The following PKN2 variants were observed in gnomAD, a reference collection of about 807,000 sequenced individuals.
The protein encoded by PKN2 is protein kinase N2.
In PKN2, 38 loss-of-function variants were observed where a neutral mutation model predicts 119.1. That is an observed-to-expected ratio of 0.32 (90% CI 0.25 to 0.42). The LOEUF is 0.42. Ranked by LOEUF, PKN2 falls within the 10% of genes least tolerant of loss-of-function variation. PKN2 has a pLI of 1.00. For synonymous variants in PKN2, 390 were observed against 384.9 expected (o/e 1.01, Z -0.15); for missense variants, 850 against 1,165.1 (o/e 0.73, Z 3.94).
chr1:88,807,756 G>A lies in PKN2; in HGVS notation c.2083G>A (p.Ala695Thr), dbSNP rs1207495832. 6.3e-7 allele frequency: 1 copy of A among 1,592,824 alleles called. No individual in the cohort carries two copies. Among genetic ancestry groups the A allele is most frequent in the Non-Finnish European group, 8.6e-7 (1 of 1,166,558 alleles). Residue 695 changes from alanine (A) to threonine (T), a missense_variant, in exon 15 of 22, where the codon GCT (alanine) becomes ACT (threonine). Physicochemically the swap from Ala to Thr is moderately conservative, Grantham distance 58 (BLOSUM62 0). This residue lies in a region of PKN2 where 216 missense variants were observed against 252.8 expected (regional missense o/e 0.85). Coordinates refer to ENST00000370521, the MANE Select transcript of PKN2 (RefSeq NM_006256.4). ...IKALKKGDIV[A>T]RDEVDSLMCE... ...AGCCTTAAAGAAAGGAGATATTGTG[G>A]CTCGAGATGAAGTAGACAGGTTAGT... is the stretch of plus-strand genomic sequence containing the variant.
chr1:88,789,344 G>A (rs1208344146), intron 8 of PKN2, among the ~76,000 whole-genome samples: 4 of 152,032 alleles, frequency 2.6e-5, no homozygotes, highest in African/African-American at 9.7e-5. Context: ...GGAGTGAAAC[G>A]GCAAGGTAAG....
intron 2 of PKN2, among the ~76,000 whole-genome samples, chr1:88,741,909 T>C (rs186491296): frequency 1.3e-5 from 2 of 152,198 alleles, no homozygotes; most frequent in East Asian, 3.9e-4. Flanking sequence ...AATATTTATG[T>C]TGGAATTTTT....
intron 1 of PKN2, among the ~76,000 whole-genome samples, chr1:88,730,909 G>A (rs763669974): frequency 2.0e-5 from 3 of 152,202 alleles, no homozygotes; most frequent in Non-Finnish European, 4.4e-5. Context: ...TGGTCATTCT[G>A]ATGCCAAATG....
chr1:88,711,272 C>T (rs1667224484), intron 1 of PKN2, among the ~76,000 whole-genome samples: 2 of 151,506 alleles, frequency 1.3e-5, no homozygotes, highest in South Asian at 4.2e-4. Context: ...CAAACCTGCA[C>T]TTGTACCCTT....
At chr1:88,765,919 C>G (rs917479813) in intron 3 of PKN2, among the ~76,000 whole-genome samples, 4 of 152,172 alleles carry the variant, frequency 2.6e-5, no homozygotes, top group Non-Finnish European at 5.9e-5. Flanking sequence ...TCAAGTGATT[C>G]TCGTGCCTCA....
At chr1:88,819,221 C>T (rs568625771) in intron 16 of PKN2, among the ~76,000 whole-genome samples, 7 of 152,112 alleles carry the variant, frequency 4.6e-5, no homozygotes, top group African/African-American at 9.7e-5. Context: ...AAGAAACTGT[C>T]GTCAGAGTGA....
intron 1 of PKN2, among the ~76,000 whole-genome samples, chr1:88,732,799 ATATAG>A (rs1267128282): frequency 2.0e-5 from 3 of 152,230 alleles, no homozygotes; most frequent in African/African-American, 7.2e-5. Flanking sequence ...GATAAATAAA[ATATAG>A]TATATATACA....
intron 3 of PKN2, among the ~76,000 whole-genome samples, chr1:88,768,347 A>T (rs1002562903): frequency 6.6e-6 from 1 of 152,140 alleles, no homozygotes; most frequent in African/African-American, 2.4e-5. Context: ...CTTCTGGAGG[A>T]TGTAGGGCAG....
intron 1 of PKN2, among the ~76,000 whole-genome samples, chr1:88,727,972 T>C (rs1181663178): frequency 6.6e-6 from 1 of 151,392 alleles, no homozygotes; most frequent in African/African-American, 2.4e-5. Flanking sequence ...TGGGCTGCCC[T>C]GTTTTGCAGT....
intron 1 of PKN2, among the ~76,000 whole-genome samples, chr1:88,734,272 T>C (rs574633598): frequency 6.6e-6 from 1 of 152,326 alleles, no homozygotes; most frequent in Non-Finnish European, 1.5e-5. Flanking sequence ...TATTCTTGCC[T>C]AGACCAGTGA....
intron 16 of PKN2, among the ~76,000 whole-genome samples, chr1:88,820,180 C>CAATATATATATATA (rs1491259052): frequency 1.6e-4 from 11 of 70,726 alleles, no homozygotes; most frequent in South Asian, 5.2e-4. Flanking sequence ...TTTCAGAAAC[C>CAATATATATATATA]TATATATATA....
intron 2 of PKN2, among the ~76,000 whole-genome samples, chr1:88,755,281 G>A (rs1270700256): frequency 2.6e-5 from 4 of 152,068 alleles, no homozygotes; most frequent in African/African-American, 9.7e-5. Context: ...TAACGTACAA[G>A]GAAGAAAATT....
At chr1:88,832,635 T>C (rs2100939348) in intron 19 of PKN2, 109 bp from the exon 20 acceptor site, 1 of 623,886 alleles carries the variant, frequency 1.6e-6, no homozygotes, top group Non-Finnish European at 2.9e-6. Context: ...GTTGTTGTTT[T>C]GTCTGTTTTT....
rs1248591495 is a variant in PKN2, at chr1:88,684,430, C to T, written c.-151C>T. 1.2e-5 allele frequency: 8 copies of T among 661,764 alleles called. No homozygotes were observed. In the East Asian group the frequency reaches 2.6e-4, roughly 21 times the overall value. The allele number at this position is 661,764 out of a possible 1,614,324, so 41.0% of individuals were successfully genotyped here. On this transcript the variant is annotated 5_prime_UTR_variant, in exon 1 of 22. Coordinates refer to ENST00000370521, the MANE Select transcript of PKN2 (RefSeq NM_006256.4). The stretch of plus-strand genomic sequence containing the variant: ...GATGAACCGGACGGAATAAGCCGCG[C>T]CTCCAGCAGGGGCTGCGCCTCCATG...
chr1:88,733,270 C>T (rs1441416475), intron 1 of PKN2, among the ~76,000 whole-genome samples: 1 of 152,140 alleles, frequency 6.6e-6, no homozygotes, highest in Non-Finnish European at 1.5e-5. Context: ...AGCCTTCATG[C>T]TGTTTTCCAT....
chr1:88,771,949 A>G, intron 6 of PKN2, 70 bp downstream of exon 6: 2 of 993,280 alleles, frequency 2.0e-6, no homozygotes, highest in Admixed American at 2.2e-5. Context: ...TAATAATTGA[A>G]AGAAAAACCT....
chr1:88,692,173 A>G (rs1365818768), intron 1 of PKN2, among the ~76,000 whole-genome samples: 1 of 152,116 alleles, frequency 6.6e-6, no homozygotes, highest in Non-Finnish European at 1.5e-5. Flanking sequence ...ATGTTGCTAT[A>G]GTCATTATTT....
chr1:88,759,320 G>A (rs1669347316), intron 2 of PKN2, among the ~76,000 whole-genome samples: 3 of 152,158 alleles, frequency 2.0e-5, no homozygotes, highest in African/African-American at 2.4e-5. Flanking sequence ...CCAAGATGGC[G>A]CCACTGCACT....
intron 6 of PKN2, among the ~76,000 whole-genome samples, chr1:88,778,487 C>G (rs1049153780): frequency 6.6e-6 from 1 of 152,218 alleles, no homozygotes; most frequent in Non-Finnish European, 1.5e-5. Context: ...GAGGATGCCT[C>G]TTGCTTGCAC....
Sources: gnomAD v4.1 joint callset for allele counts (sites outside exome capture counted in the v4.1 genomes callset) on GRCh38, gnomAD v4.1.1 for gene constraint, gnomAD v4.1.1 regional missense constraint, MANE v1.5 for transcripts, NCBI Gene and HGNC (gene_info 2026-07-23, HGNC 2026-07-21) for gene names.